Variants in STYK1 observed in about 807,000 individuals in gnomAD.
STYK1 encodes STY kinase 1, also known as tyrosine-protein kinase STYK1.
Under a neutral mutation model 48.1 loss-of-function variants are expected in STYK1, and 46 were observed. The observed-to-expected ratio is 0.96, with a 90% CI of 0.75 to 1.22. The LOEUF is 1.22. Among genes scored for constraint, STYK1 ranks in the 50% most tolerant of loss-of-function variants. STYK1 has a pLI of 0.00. For missense variants in STYK1, 527 were observed against 521.1 expected, an observed-to-expected ratio of 1.01 and a Z score of -0.11; for synonymous variants, 188 against 189.0, an observed-to-expected ratio of 0.99 and a Z score of 0.04.
intron 5 of STYK1, 152 bp downstream of exon 5, chr12:10,630,893 A>G (rs1351663579): frequency 2.0e-6 from 2 of 1,017,560 alleles, no homozygotes; most frequent in Non-Finnish European, 2.8e-6. Flanking sequence ...AAAGACACCA[A>G]GAAAAACATT....
chr12:10,621,736 T>G (rs968811212), intron 10 of STYK1, 140 bp downstream of exon 10: 1 of 631,310 alleles, frequency 1.6e-6, no homozygotes, highest in Non-Finnish European at 2.8e-6. Context: ...TATATTTTAC[T>G]GCATGGGTTT....
At chr12:10,626,459 C>A (rs1228100819) in intron 7 of STYK1, among the ~76,000 whole-genome samples, 10 of 152,110 alleles carry the variant, frequency 6.6e-5, no homozygotes, top group Admixed American at 4.6e-4. Context: ...TACTCTTTAC[C>A]CACCTTAATC....
At position 10,666,503 on chromosome 12, in the gene STYK1, A is replaced by G. The variant is rs552065008; in HGVS notation, c.-195+7463T>C. 2.4e-3 allele frequency among the ~76,000 whole-genome samples: 359 copies of G among 152,280 alleles called. 3 individuals are homozygous for G. Among genetic ancestry groups the G allele is most frequent in the African/African-American group, 8.4e-3 (347 of 41,554 alleles). ...TCTGAGTGTACAACTAAAACCAATC[A>G]TTTCAAGGCTTTTTCCAGAAAGGCA... On this transcript the variant is annotated intron_variant, in intron 1 of 10. Transcript: ENST00000075503.
At chr12:10,661,098 A>G (rs1426512096) in intron 1 of STYK1, among the ~76,000 whole-genome samples, 2 of 152,070 alleles carry the variant, frequency 1.3e-5, no homozygotes, top group African/African-American at 4.8e-5. Flanking sequence ...TCTGACCTTT[A>G]CTTTTTGAAA....
intron 1 of STYK1, among the ~76,000 whole-genome samples, chr12:10,648,924 T>C (rs2120729314): frequency 6.6e-6 from 1 of 152,308 alleles, no homozygotes; most frequent in South Asian, 2.1e-4. Context: ...TAAAAATGAC[T>C]CTTGTAAGAC....
At chr12:10,637,739 C>T (rs972786652) in intron 1 of STYK1, among the ~76,000 whole-genome samples, 2 of 152,226 alleles carry the variant, frequency 1.3e-5, no homozygotes, top group African/African-American at 4.8e-5. Context: ...AAAGCTCATA[C>T]ATCAGAGGAT....
chr12:10,649,379 C>A (rs1192265845), intron 1 of STYK1, among the ~76,000 whole-genome samples: 1 of 152,022 alleles, frequency 6.6e-6, no homozygotes, highest in African/African-American at 2.4e-5. Flanking sequence ...TACAGTTGGA[C>A]CATGGAATAC....
At position 10,620,093 on chromosome 12, in the gene STYK1, T is replaced by C. The variant is rs140697418; in HGVS notation, c.*51A>G. ...AGACCATTCTCTGTTCTTAGAGGAA[T>C]TGATTCCAAGAACATATACTCATGC... On this transcript the variant is annotated 3_prime_UTR_variant, in exon 11 of 11. Coordinates refer to ENST00000075503, the MANE Select transcript of STYK1 (RefSeq NM_018423.3). 3.8e-5 allele frequency: 60 copies of C among 1,587,570 alleles called. No individual in the cohort carries two copies. The highest frequency in any genetic ancestry group is 6.7e-5 in the East Asian group (3 of 44,686).
chr12:10,626,791 G>A (rs1007762123), intron 7 of STYK1, among the ~76,000 whole-genome samples: 3 of 152,124 alleles, frequency 2.0e-5, no homozygotes, highest in Non-Finnish European at 4.4e-5. Context: ...CGGATCACGA[G>A]GTCGGGAGAT....
rs534583116 is a variant in STYK1 at position 10,625,272 on chromosome 12, C to T, written c.718-413G>A. Among the ~76,000 whole-genome samples the T allele has an allele frequency of 9.2e-5, 14 of 152,204 alleles. No homozygotes were observed. The South Asian group carries it at 1.5e-3, about 16-fold the overall frequency. On this transcript the variant is annotated intron_variant, in intron 7 of 10. Transcript: ENST00000075503. ...TCGCTCTGTCACCCAGGCTGGAGTGCAGTGGCGGGATCTCAGCTCACTGCA... is the reference window on the plus strand; with the variant it reads ...TCGCTCTGTCACCCAGGCTGGAGTGTAGTGGCGGGATCTCAGCTCACTGCA...
chr12:10,652,403 A>T (rs1947671814), intron 1 of STYK1, among the ~76,000 whole-genome samples: 1 of 152,220 alleles, frequency 6.6e-6, no homozygotes, highest in African/African-American at 2.4e-5. Flanking sequence ...ATGTAATCAG[A>T]GATGTTTTGA....
rs770955470 is a variant in STYK1 at position 10,620,218 on chromosome 12, C to G, written c.1195G>C (p.Val399Leu). Residue 399 changes from valine (V) to leucine (L), a missense_variant, in exon 11 of 11, where the codon GTG becomes CTG. Transcript: ENST00000075503. ...ACAGCTGCATACAGTTCAGGTACCA[C>G]CAACTCTGGTACTTGTAACACAGCC... ...DEAVLQVPELVVPELYAAVAG... is the reference protein window; with the variant it reads ...DEAVLQVPELLVPELYAAVAG... The G allele has an allele frequency of 6.2e-7, 1 of 1,614,104 alleles. No homozygotes were observed. The highest frequency in any genetic ancestry group is 1.1e-5 in the South Asian group (1 of 91,090).
intron 1 of STYK1, among the ~76,000 whole-genome samples, chr12:10,645,471 A>C (rs1947588873): frequency 6.6e-6 from 1 of 152,152 alleles, no homozygotes; most frequent in South Asian, 2.1e-4. Flanking sequence ...TTCTAAAAAA[A>C]ACAAAGCAAA....
At chr12:10,662,415 T>C (rs1289766640) in intron 1 of STYK1, among the ~76,000 whole-genome samples, 4 of 152,256 alleles carry the variant, frequency 2.6e-5, no homozygotes, top group African/African-American at 9.6e-5. Context: ...AACTCTATGT[T>C]TAAATTTTGA....
intron 2 of STYK1, among the ~76,000 whole-genome samples, chr12:10,636,570 A>G (rs3782672): frequency 0.15 from 22,721 of 152,256 alleles, 2,180 homozygotes; most frequent in Middle Eastern, 0.27. Flanking sequence ...TTCAAAAAAC[A>G]GACCTTAAGA....
chr12:10,641,408 T>C (rs1947543329), intron 1 of STYK1, among the ~76,000 whole-genome samples: 1 of 152,214 alleles, frequency 6.6e-6, no homozygotes, highest in Non-Finnish European at 1.5e-5. Context: ...AAAACTCTCT[T>C]GGAAGTCTCC....
intron 4 of STYK1, among the ~76,000 whole-genome samples, chr12:10,632,032 C>T (rs1385503341): frequency 6.6e-6 from 1 of 151,920 alleles, no homozygotes; most frequent in Non-Finnish European, 1.5e-5. Flanking sequence ...ATATATCAAG[C>T]AATTAATGTT....
chr12:10,669,660 A>C (rs1345808459), intron 1 of STYK1, among the ~76,000 whole-genome samples: 1 of 152,236 alleles, frequency 6.6e-6, no homozygotes, highest in Non-Finnish European at 1.5e-5. Context: ...AAATTTCTGC[A>C]CAACCAAGGA....
At chr12:10,629,465 C>T (rs374992960) in intron 6 of STYK1, 28 bp downstream of exon 6, 8 of 1,611,758 alleles carry the variant, frequency 5.0e-6, no homozygotes, top group Non-Finnish European at 5.1e-6. Context: ...AAGCCTTAAC[C>T]TCCTAATACC....
Sources: gnomAD v4.1 joint callset for allele counts (sites outside exome capture counted in the v4.1 genomes callset) on GRCh38, gnomAD v4.1.1 for gene constraint, MANE v1.5 for transcripts, NCBI Gene and HGNC (gene_info 2026-07-23, HGNC 2026-07-21) for gene names.